Variants in PLCE1 observed in about 807,000 individuals in gnomAD.
PLCE1 encodes 1-phosphatidylinositol 4,5-bisphosphate phosphodiesterase epsilon-1.
Under a neutral mutation model 242.8 loss-of-function variants are expected in PLCE1, and 119 were observed. That is an observed-to-expected ratio of 0.49 (90% confidence interval 0.42 to 0.57). PLCE1 has a LOEUF of 0.57. Ranked by LOEUF, PLCE1 falls within the 20% of genes least tolerant of loss-of-function variation. PLCE1 has a pLI of 0.00. For synonymous variants in PLCE1, 945 were observed against 1,017.4 expected (o/e 0.93, Z 1.35); for missense variants, 2,441 against 2,788.8 (o/e 0.88, Z 2.81).
intron 4 of PLCE1, among the ~76,000 whole-genome samples, chr10:94,188,361 T>C (rs1470638729): frequency 2.0e-5 from 3 of 152,222 alleles, no homozygotes; most frequent in Non-Finnish European, 4.4e-5. Flanking sequence ...GGAAAAAATT[T>C]GAAGTATACT....
intron 9 of PLCE1, among the ~76,000 whole-genome samples, chr10:94,253,952 G>T (rs2050972783): frequency 6.6e-6 from 1 of 152,220 alleles, no homozygotes; most frequent in South Asian, 2.1e-4. Flanking sequence ...GGTTCCGGAG[G>T]TTCTGTGCCG....
chr10:94,183,993 T>C (rs1590201620), intron 4 of PLCE1, among the ~76,000 whole-genome samples: 1 of 152,340 alleles, frequency 6.6e-6, no homozygotes, highest in African/African-American at 2.4e-5. Context: ...AACATGAGAT[T>C]TGAACAGGGC....
At position 94,164,714 on chromosome 10, in the gene PLCE1, G is replaced by A. The variant is rs559366455; in HGVS notation, c.1493-6466G>A. On this transcript the variant is annotated intron_variant, in intron 3 of 32. Coordinates refer to ENST00000371380, the MANE Select transcript of PLCE1 (RefSeq NM_016341.4). ...TCCTTTGGAGGAGGAGAGGCACTCT[G>A]AATTTTAGAATTTTCAGTTTTGTTG... 2.0e-5 allele frequency among the ~76,000 whole-genome samples: 3 copies of A among 152,280 alleles called. 1 individual carries two copies. In the South Asian group the frequency reaches 6.2e-4, roughly 32 times the overall value.
intron 2 of PLCE1, among the ~76,000 whole-genome samples, chr10:94,065,276 G>A (rs985956211): frequency 1.3e-5 from 2 of 152,246 alleles, no homozygotes; most frequent in East Asian, 3.9e-4. Flanking sequence ...GGATTGCACT[G>A]GATTGGTGAT....
intron 2 of PLCE1, among the ~76,000 whole-genome samples, chr10:94,063,009 G>C (rs1564656843): frequency 6.6e-6 from 1 of 151,982 alleles, no homozygotes; most frequent in South Asian, 2.1e-4. Context: ...ACTCTTCGCT[G>C]GTCTCCATGT....
intron 2 of PLCE1, among the ~76,000 whole-genome samples, chr10:94,118,977 G>C (rs1289856264): frequency 1.3e-5 from 2 of 152,148 alleles, no homozygotes; most frequent in African/African-American, 4.8e-5. Flanking sequence ...TTACAAAAGT[G>C]GAGAGAAAGG....
chr10:94,013,466 A>G (rs750262620), intron 1 of PLCE1, among the ~76,000 whole-genome samples: 4 of 152,158 alleles, frequency 2.6e-5, no homozygotes, highest in Non-Finnish European at 5.9e-5. Context: ...ATCTGATCTC[A>G]TTTGACCCTT....
intron 2 of PLCE1, among the ~76,000 whole-genome samples, chr10:94,078,692 C>T (rs776205329): frequency 1.3e-5 from 2 of 152,150 alleles, no homozygotes; most frequent in Admixed American, 6.6e-5. Flanking sequence ...ACCATCTTGG[C>T]CAGGCTGGTC....
chr10:94,209,297 A>G (rs181202116), intron 4 of PLCE1, among the ~76,000 whole-genome samples: 1 of 152,356 alleles, frequency 6.6e-6, no homozygotes, highest in East Asian at 1.9e-4. Flanking sequence ...AAGGAAAAAT[A>G]TATGTGTGCC....
At chr10:94,269,340 G>A (rs1373391304) in intron 17 of PLCE1, among the ~76,000 whole-genome samples, 1 of 151,842 alleles carries the variant, frequency 6.6e-6, no homozygotes, top group East Asian at 1.9e-4. Context: ...GACCTCAAGT[G>A]CTCCGCCCGC....
intron 4 of PLCE1, among the ~76,000 whole-genome samples, chr10:94,213,703 T>C (rs1397025662): frequency 6.6e-6 from 1 of 152,138 alleles, no homozygotes; most frequent in East Asian, 1.9e-4. Context: ...CCTTGGAAAG[T>C]CCCTCTCTGC....
At chr10:94,191,853 A>G (rs1343639869) in intron 4 of PLCE1, among the ~76,000 whole-genome samples, 1 of 152,310 alleles carries the variant, frequency 6.6e-6, no homozygotes, top group Non-Finnish European at 1.5e-5. Context: ...TGAGTTTCTT[A>G]TAACTGGAGA....
intron 3 of PLCE1, among the ~76,000 whole-genome samples, chr10:94,168,364 T>C (rs556393227): frequency 7.2e-5 from 11 of 152,242 alleles, no homozygotes; most frequent in Non-Finnish European, 1.5e-4. Flanking sequence ...AGAAGACTTC[T>C]GGGATGTTTT....
intron 4 of PLCE1, among the ~76,000 whole-genome samples, chr10:94,213,375 C>A (rs1025384234): frequency 1.3e-5 from 2 of 152,172 alleles, no homozygotes; most frequent in Non-Finnish European, 2.9e-5. Context: ...ATGTTGTAAC[C>A]ACAGTCCAGT....
intron 4 of PLCE1, among the ~76,000 whole-genome samples, chr10:94,191,986 C>T (rs2048681657): frequency 6.6e-6 from 1 of 151,996 alleles, no homozygotes; most frequent in South Asian, 2.1e-4. Context: ...ATCCTGTGAG[C>T]TAATAATGTT....
At chr10:94,314,229 C>T (rs999658865) in intron 28 of PLCE1, among the ~76,000 whole-genome samples, 2 of 152,164 alleles carry the variant, frequency 1.3e-5, no homozygotes, top group African/African-American at 4.8e-5. Context: ...TTTCACCACA[C>T]CAGAAGCGCT....
At chr10:94,273,765 G>C in intron 19 of PLCE1, 45 bp downstream of exon 19, 3 of 1,562,852 alleles carry the variant, frequency 1.9e-6, no homozygotes, top group Non-Finnish European at 2.6e-6. Context: ...AGTGTGCCTA[G>C]AACAAAGAAA....
At chr10:94,187,587 T>A (rs1424999653) in intron 4 of PLCE1, among the ~76,000 whole-genome samples, 1 of 152,082 alleles carries the variant, frequency 6.6e-6, no homozygotes, top group Admixed American at 6.5e-5. Context: ...GTCTGGGCCT[T>A]AATGCCTCAG....
chr10:94,039,841 A>G (rs1205692807), intron 2 of PLCE1, among the ~76,000 whole-genome samples: 1 of 152,214 alleles, frequency 6.6e-6, no homozygotes, highest in African/African-American at 2.4e-5. Flanking sequence ...CCATTTGTAT[A>G]TCATAGAAAT....
Sources: allele counts gnomAD v4.1 joint callset (sites outside exome capture counted in the v4.1 genomes callset), GRCh38; gene constraint gnomAD v4.1.1; transcripts MANE v1.5; gene names NCBI Gene and HGNC (gene_info 2026-07-23, HGNC 2026-07-21).